ST6GALNAC3: variants seen among roughly 807,000 people sequenced by gnomAD.
ST6GALNAC3 encodes the protein alpha-N-acetylgalactosaminide alpha-2,6-sialyltransferase 3.
In ST6GALNAC3, 25 loss-of-function variants were observed where a neutral mutation model predicts 32.7. The ratio of observed to expected loss-of-function variants is 0.76; its 90% CI spans 0.56 to 1.07. The LOEUF (loss-of-function observed/expected upper bound fraction) is 1.07, where lower values mean the gene tolerates loss of function less well. Ranked by LOEUF, ST6GALNAC3 falls within the 50% of genes least tolerant of loss-of-function variation. The pLI, the probability that ST6GALNAC3 is intolerant of heterozygous loss-of-function variation, is 0.00. For missense variants in ST6GALNAC3, 355 were observed against 382.4 expected, an observed-to-expected ratio of 0.93 and a Z score of 0.60; for synonymous variants, 129 against 133.1, an observed-to-expected ratio of 0.97 and a Z score of 0.21.
intron 1 of ST6GALNAC3, among the ~76,000 whole-genome samples, chr1:76,237,731 G>C (rs1656737733): frequency 6.6e-6 from 1 of 152,058 alleles, no homozygotes; most frequent in Non-Finnish European, 1.5e-5. Flanking sequence ...CAGGATTCTA[G>C]ATAGAAAAAA....
intron 2 of ST6GALNAC3, chr1:76,353,864 C>T (rs1195524866): frequency 2.0e-5 from 3 of 153,828 alleles, no homozygotes; most frequent in African/African-American, 7.2e-5. Flanking sequence ...TCTGGCCCCC[C>T]TTTACCTTCA....
At chr1:76,291,440 G>A (rs1369294472) in intron 1 of ST6GALNAC3, among the ~76,000 whole-genome samples, 1 of 152,214 alleles carries the variant, frequency 6.6e-6, no homozygotes, top group Non-Finnish European at 1.5e-5. Context: ...CCCCAGCCCA[G>A]CCGGGACACT....
At chr1:76,077,258 CT>C (rs58714013) in intron 1 of ST6GALNAC3, among the ~76,000 whole-genome samples, 25,470 of 145,308 alleles carry the variant, frequency 0.18, 2,510 homozygotes, top group Middle Eastern at 0.34. Flanking sequence ...AAACTATGGA[CT>C]TTTTTTTTTT....
At chr1:76,589,923 G>C (rs1647021512) in intron 3 of ST6GALNAC3, among the ~76,000 whole-genome samples, 2 of 149,872 alleles carry the variant, frequency 1.3e-5, no homozygotes, top group East Asian at 4.0e-4. Flanking sequence ...TGAGAGGTGG[G>C]AGGAGGGCTC....
intron 1 of ST6GALNAC3, among the ~76,000 whole-genome samples, chr1:76,301,636 G>A (rs536219709): frequency 6.6e-6 from 1 of 151,968 alleles, no homozygotes; most frequent in Admixed American, 6.6e-5. Context: ...CTGTGCTGTA[G>A]CAAAACTCTG....
intron 3 of ST6GALNAC3, among the ~76,000 whole-genome samples, chr1:76,418,439 C>T (rs975166681): frequency 2.0e-5 from 3 of 152,022 alleles, no homozygotes; most frequent in Admixed American, 2.0e-4. Flanking sequence ...ATCTTAGAGT[C>T]GCCATGGGGT....
chr1:76,075,362 T>A (rs1278281301), intron 1 of ST6GALNAC3, among the ~76,000 whole-genome samples: 3 of 150,488 alleles, frequency 2.0e-5, no homozygotes, highest in Non-Finnish European at 4.4e-5. Flanking sequence ...CAGAAACTTC[T>A]GAGTTTACAG....
At chr1:76,218,666 C>T (rs933713043) in intron 1 of ST6GALNAC3, among the ~76,000 whole-genome samples, 1 of 152,096 alleles carries the variant, frequency 6.6e-6, no homozygotes, top group Non-Finnish European at 1.5e-5. Context: ...CCCCTCTTTC[C>T]GTCCTTTCTT....
chr1:76,282,437 C>T (rs539767079), intron 1 of ST6GALNAC3, among the ~76,000 whole-genome samples: 2 of 152,236 alleles, frequency 1.3e-5, no homozygotes, highest in African/African-American at 4.8e-5. Context: ...CATGTCAACA[C>T]ATTTAAAACC....
chr1:76,191,160 T>C (rs1653872693), intron 1 of ST6GALNAC3, among the ~76,000 whole-genome samples: 1 of 152,144 alleles, frequency 6.6e-6, no homozygotes, highest in Non-Finnish European at 1.5e-5. Context: ...AGATGGAGCA[T>C]GAGGTCAGGG....
intron 1 of ST6GALNAC3, among the ~76,000 whole-genome samples, chr1:76,220,581 G>C (rs1202591684): frequency 7.9e-5 from 12 of 152,256 alleles, no homozygotes; most frequent in Admixed American, 2.6e-4. Context: ...TAATTTAGAG[G>C]ACAGTGTTTT....
chr1:76,262,814 G>A (rs982515937), intron 1 of ST6GALNAC3, among the ~76,000 whole-genome samples: 4 of 152,142 alleles, frequency 2.6e-5, no homozygotes, highest in Non-Finnish European at 5.9e-5. Flanking sequence ...AAACATGCAC[G>A]CACACATTTC....
At chr1:76,310,348 G>A (rs1646737835) in intron 1 of ST6GALNAC3, among the ~76,000 whole-genome samples, 1 of 152,118 alleles carries the variant, frequency 6.6e-6, no homozygotes, top group African/African-American at 2.4e-5. Flanking sequence ...CCACAGAGGA[G>A]CAAATTAAAA....
chr1:76,148,863 GA>G, intron 1 of ST6GALNAC3, among the ~76,000 whole-genome samples: 1 of 152,332 alleles, frequency 6.6e-6, no homozygotes, highest in East Asian at 1.9e-4. Flanking sequence ...CTAAATGAAT[GA>G]AAATTGTATT....
In ST6GALNAC3 at chr1:76,633,125, G is replaced by T. The variant is rs995609480; in HGVS notation, c.*4319G>T. 1 of 152,152 alleles carries T rather than the reference G, an allele frequency of 6.6e-6. No homozygotes were observed. Among genetic ancestry groups the T allele is most frequent in the East Asian group, 1.9e-4 (1 of 5,186 alleles). 9.4% of individuals were successfully genotyped at this position (152,152 alleles called of 1,614,324 possible). On this transcript the variant is annotated 3_prime_UTR_variant, in exon 5 of 5. Transcript: ENST00000328299. ...CTTGGAGCTGAGGAAACAGACAGAG[G>T]TGAAGTGACTTGCCTGTAGTTATAA...
At chr1:76,174,594 A>G (rs1258920388) in intron 1 of ST6GALNAC3, among the ~76,000 whole-genome samples, 2 of 150,768 alleles carry the variant, frequency 1.3e-5, no homozygotes, top group Non-Finnish European at 3.0e-5. Flanking sequence ...TTTTTCTTTT[A>G]CTTAGCTCAG....
intron 1 of ST6GALNAC3, among the ~76,000 whole-genome samples, chr1:76,120,582 T>G (rs1414377334): frequency 2.6e-5 from 4 of 152,184 alleles, no homozygotes; most frequent in African/African-American, 4.8e-5. Flanking sequence ...AGAGAAATTA[T>G]AGGAATTGCT....
chr1:76,159,409 C>T (rs1651674309), intron 1 of ST6GALNAC3, among the ~76,000 whole-genome samples: 1 of 152,172 alleles, frequency 6.6e-6, no homozygotes, highest in Non-Finnish European at 1.5e-5. Flanking sequence ...GTCTCGAACT[C>T]CTAGCCTCAA....
intron 2 of ST6GALNAC3, among the ~76,000 whole-genome samples, chr1:76,404,674 C>T (rs1205717075): frequency 6.6e-6 from 1 of 152,138 alleles, no homozygotes; most frequent in African/African-American, 2.4e-5. Flanking sequence ...CTGAAGAGTG[C>T]GTCTCTGGAG....
Sources: gnomAD v4.1 joint callset for allele counts (sites outside exome capture counted in the v4.1 genomes callset) on GRCh38, gnomAD v4.1.1 for gene constraint, MANE v1.5 for transcripts, NCBI Gene and HGNC (gene_info 2026-07-23, HGNC 2026-07-21) for gene names.